The following NRXN3 variants were observed in gnomAD, a reference collection of about 807,000 sequenced individuals.
The protein encoded by NRXN3 is neurexin III.
NRXN3 carries 32 observed loss-of-function variants against 137.6 expected under a neutral mutation model. The ratio of observed to expected loss-of-function variants is 0.23; its 90% CI spans 0.18 to 0.31. NRXN3 has a LOEUF of 0.31. NRXN3 is among the 10% of genes least tolerant of loss of function. The pLI is 1.00. For missense variants in NRXN3, 1,574 were observed against 2,062.5 expected (o/e 0.76, Z 4.59); for synonymous variants, 798 against 784.5 (o/e 1.02, Z -0.29).
chr14:79,433,517 T>A (rs1218262249), intron 15 of NRXN3, among the ~76,000 whole-genome samples: 3 of 152,162 alleles, frequency 2.0e-5, no homozygotes, highest in Non-Finnish European at 4.4e-5. Context: ...ACTAGTTTTT[T>A]AAAAAAAATA....
At chr14:79,738,528 C>A (rs1048309872) in intron 19 of NRXN3, among the ~76,000 whole-genome samples, 1 of 152,072 alleles carries the variant, frequency 6.6e-6, no homozygotes, top group Non-Finnish European at 1.5e-5. Context: ...TTTCTGGCCT[C>A]CAGAACTATG....
chr14:78,432,326 G>C (rs2093915999), intron 4 of NRXN3, among the ~76,000 whole-genome samples: 2 of 148,716 alleles, frequency 1.3e-5, no homozygotes, highest in African/African-American at 5.0e-5. Context: ...ACATGTCTCA[G>C]CTCCTTTCTC....
intron 4 of NRXN3, among the ~76,000 whole-genome samples, chr14:78,455,040 C>A: frequency 6.6e-6 from 1 of 152,188 alleles, no homozygotes; most frequent in Admixed American, 6.5e-5. Flanking sequence ...TAGTATCTTG[C>A]ACTTTTTCTC....
chr14:78,355,576 GC>G (rs1303543631), intron 4 of NRXN3, among the ~76,000 whole-genome samples: 5 of 152,204 alleles, frequency 3.3e-5, no homozygotes, highest in Admixed American at 6.5e-5. Context: ...GTACCACTAT[GC>G]CTGGCTAATT....
At chr14:79,803,999 A>G (rs1475895838) in intron 19 of NRXN3, among the ~76,000 whole-genome samples, 1 of 149,290 alleles carries the variant, frequency 6.7e-6, no homozygotes, top group Admixed American at 6.7e-5. Flanking sequence ...ATATGTATGT[A>G]TGTATGTATA....
intron 19 of NRXN3, among the ~76,000 whole-genome samples, chr14:79,755,383 A>G (rs962492009): frequency 6.6e-6 from 1 of 152,108 alleles, no homozygotes; most frequent in Admixed American, 6.6e-5. Flanking sequence ...CTACATATGT[A>G]TATTTGTTTT....
intron 15 of NRXN3, among the ~76,000 whole-genome samples, chr14:79,291,822 T>C (rs1246144680): frequency 1.3e-5 from 2 of 151,934 alleles, no homozygotes; most frequent in Admixed American, 1.3e-4. Flanking sequence ...TATTCTTAAA[T>C]GGAATACTGG....
intron 15 of NRXN3, among the ~76,000 whole-genome samples, chr14:79,028,806 G>T (rs2099602643): frequency 1.3e-5 from 2 of 152,090 alleles, no homozygotes; most frequent in South Asian, 4.1e-4. Flanking sequence ...TGATCCACGA[G>T]TTACCATAGC....
At chr14:79,225,656 C>A (rs1412200829) in intron 15 of NRXN3, among the ~76,000 whole-genome samples, 3 of 152,080 alleles carry the variant, frequency 2.0e-5, no homozygotes, top group Non-Finnish European at 4.4e-5. Flanking sequence ...ACACTTTTTA[C>A]CCCCTGAATC....
intron 15 of NRXN3, among the ~76,000 whole-genome samples, chr14:79,377,997 A>G (rs1599412204): frequency 6.6e-6 from 1 of 152,284 alleles, no homozygotes; most frequent in East Asian, 1.9e-4. Flanking sequence ...TGGGTGCTTG[A>G]TAGAAGTTGG....
chr14:78,487,784 TAAATAA>T (rs1284984686), intron 4 of NRXN3, among the ~76,000 whole-genome samples: 3 of 114,694 alleles, frequency 2.6e-5, no homozygotes, highest in East Asian at 2.3e-4. Flanking sequence ...AATAAATAAA[TAAATAA>T]AGATAGATTT....
intron 10 of NRXN3, among the ~76,000 whole-genome samples, chr14:78,901,475 T>A (rs1314756674): frequency 6.6e-6 from 1 of 152,056 alleles, no homozygotes; most frequent in Non-Finnish European, 1.5e-5. Flanking sequence ...TGTCATAGCT[T>A]ATGAAATAAA....
At chr14:78,770,024 A>T (rs1386349678) in intron 8 of NRXN3, among the ~76,000 whole-genome samples, 1 of 151,954 alleles carries the variant, frequency 6.6e-6, no homozygotes, top group Non-Finnish European at 1.5e-5. Context: ...AAATAGGCAG[A>T]TATATCTAGG....
chr14:78,771,402 G>A (rs903017246), intron 8 of NRXN3, among the ~76,000 whole-genome samples: 2 of 152,156 alleles, frequency 1.3e-5, no homozygotes, highest in Admixed American at 6.5e-5. Context: ...TGTATTATGA[G>A]GGCCGCAAAG....
chr14:79,076,978 GTC>G lies in NRXN3; in HGVS notation c.3262+88843_3262+88844del, dbSNP rs139072644. Among the ~76,000 whole-genome samples the G allele has an allele frequency of 4.3e-3, 653 of 152,214 alleles. 3 individuals are homozygous for G. Among genetic ancestry groups the G allele is most frequent in the African/African-American group, 0.015 (623 of 41,522 alleles). On this transcript the variant is annotated intron_variant, in intron 15 of 20. Coordinates refer to ENST00000335750, the MANE Select transcript of NRXN3 (RefSeq NM_001330195.2). ...GTGTCTAGTTTACTAAAAACAAAGA[GTC>G]TCTCTGTTCCAAAAGAGATTAATGT...
intron 16 of NRXN3, among the ~76,000 whole-genome samples, chr14:79,609,052 G>A (rs1474467568): frequency 1.3e-5 from 2 of 152,098 alleles, no homozygotes; most frequent in African/African-American, 4.8e-5. Flanking sequence ...CTGCAAATCC[G>A]AAGACTTGAA....
At chr14:78,809,712 A>C (rs2098898985) in intron 9 of NRXN3, among the ~76,000 whole-genome samples, 1 of 152,112 alleles carries the variant, frequency 6.6e-6, no homozygotes, top group Non-Finnish European at 1.5e-5. Context: ...TTGGGGCCCA[A>C]CCTAAGGAGA....
chr14:79,637,599 T>C, intron 16 of NRXN3, among the ~76,000 whole-genome samples: 1 of 152,070 alleles, frequency 6.6e-6, no homozygotes, highest in Non-Finnish European at 1.5e-5. Flanking sequence ...ATGTAGCTCA[T>C]CAAGAAAATC....
chr14:78,595,051 T>C (rs1254853522), intron 4 of NRXN3, among the ~76,000 whole-genome samples: 1 of 152,136 alleles, frequency 6.6e-6, no homozygotes, highest in Non-Finnish European at 1.5e-5. Flanking sequence ...GAAGCTAACA[T>C]TGTAAAGGGA....
Sources: gnomAD v4.1 joint callset for allele counts (sites outside exome capture counted in the v4.1 genomes callset) on GRCh38, gnomAD v4.1.1 for gene constraint, MANE v1.5 for transcripts, NCBI Gene and HGNC (gene_info 2026-07-23, HGNC 2026-07-21) for gene names.